Variants in MSH4 observed in about 807,000 individuals in gnomAD.
MSH4 encodes the protein mutS homolog 4, also known as mutS protein homolog 4.
In MSH4, 106 loss-of-function variants were observed where a neutral mutation model predicts 113.7. The observed-to-expected ratio is 0.93, with a 90% CI of 0.80 to 1.10. The LOEUF is 1.10. Ranked by LOEUF, MSH4 falls within the 50% of genes least tolerant of loss-of-function variation. MSH4 has a pLI of 0.00. For missense variants in MSH4, 1,061 were observed against 1,093.7 expected (o/e 0.97, Z 0.42); for synonymous variants, 368 against 380.2 (o/e 0.97, Z 0.37).
intron 16 of MSH4, among the ~76,000 whole-genome samples, chr1:75,889,820 G>T (rs756591720): frequency 6.6e-6 from 1 of 152,024 alleles, no homozygotes; most frequent in Non-Finnish European, 1.5e-5. Context: ...TTGAGCAAAC[G>T]TCAAGTAGGC....
chr1:75,831,779 T>C lies in MSH4; in HGVS notation c.1162+9198T>C, dbSNP rs192874247. Among the ~76,000 whole-genome samples the C allele has an allele frequency of 3.0e-3, 460 of 152,252 alleles. 1 individual carries two copies. Among genetic ancestry groups the C allele is most frequent in the African/African-American group, 0.01 (426 of 41,546 alleles). On this transcript the variant is annotated intron_variant, in intron 7 of 19. Coordinates refer to ENST00000263187, the MANE Select transcript of MSH4 (RefSeq NM_002440.4). ...CATACCAGAATCTCTGGCACACATT[T>C]AAAGCAGTGTGTAGAGGGAAGTTTA...
At chr1:75,902,546 A>T (rs1652526915) in intron 19 of MSH4, among the ~76,000 whole-genome samples, 1 of 151,158 alleles carries the variant, frequency 6.6e-6, no homozygotes, top group South Asian at 2.1e-4. Context: ...ATTCTTGTTT[A>T]TGGCTATTAG....
At chr1:75,860,705 C>T (rs1196278187) in intron 8 of MSH4, among the ~76,000 whole-genome samples, 1 of 152,190 alleles carries the variant, frequency 6.6e-6, no homozygotes, top group Non-Finnish European at 1.5e-5. Context: ...TTTTTTCCTT[C>T]ATTTCAACCT....
Position 75,810,789 on chromosome 1 carries a change from G to T in MSH4, c.681G>T (p.Leu227=). 6.4e-7 allele frequency: 1 copy of T among 1,570,920 alleles called. No homozygotes were observed. Among genetic ancestry groups the T allele is most frequent in the South Asian group, 1.2e-5 (1 of 83,942 alleles). Residue 227 remains leucine, a synonymous_variant, in exon 4 of 20, where the codon CTG becomes CTT. Coordinates refer to ENST00000263187, the MANE Select transcript of MSH4 (RefSeq NM_002440.4). ...GGAATTCCACCAAGTTGTTCACTCT[G>T]ATCACAGAAAATTTCAAGGTAAGTG... ...AVGNSTKLFT[L]ITENFKNVNF... is the part of the protein sequence containing the mutation.
At chr1:75,896,066 A>G (rs1652373623) in intron 17 of MSH4, among the ~76,000 whole-genome samples, 1 of 152,138 alleles carries the variant, frequency 6.6e-6, no homozygotes, top group African/African-American at 2.4e-5. Flanking sequence ...GATGGGTCCC[A>G]TCCAATAAAT....
At chr1:75,834,834 A>T (rs1186551300) in intron 7 of MSH4, among the ~76,000 whole-genome samples, 1 of 151,998 alleles carries the variant, frequency 6.6e-6, no homozygotes, top group Non-Finnish European at 1.5e-5. Context: ...ATGAGGAGTT[A>T]ACGGGTGCAG....
chr1:75,912,353 G>A (rs5745546), intron 19 of MSH4, among the ~76,000 whole-genome samples: 63,633 of 151,834 alleles, frequency 0.42, 13,682 homozygotes, highest in African/African-American at 0.49. Context: ...AGTGTTTGTA[G>A]AGTCTATCTC....
chr1:75,875,091 G>A (rs1343983424), intron 9 of MSH4, among the ~76,000 whole-genome samples: 2 of 152,028 alleles, frequency 1.3e-5, no homozygotes, highest in African/African-American at 4.8e-5. Flanking sequence ...ACGGGGTTTC[G>A]CCATGTTGGC....
chr1:75,884,421 A>G (rs1025242425), intron 15 of MSH4, among the ~76,000 whole-genome samples: 1 of 152,124 alleles, frequency 6.6e-6, no homozygotes, highest in African/African-American at 2.4e-5. Context: ...CTTGAGAACT[A>G]TATGAATCAG....
chr1:75,842,733 C>T (rs1650987911), intron 7 of MSH4, among the ~76,000 whole-genome samples: 1 of 152,130 alleles, frequency 6.6e-6, no homozygotes, highest in Non-Finnish European at 1.5e-5. Context: ...TGGGAGGACG[C>T]CCGTTGCCAG....
At chr1:75,896,286 T>C (rs769499329) in intron 17 of MSH4, among the ~76,000 whole-genome samples, 34 of 151,746 alleles carry the variant, frequency 2.2e-4, no homozygotes, top group Non-Finnish European at 3.8e-4. Context: ...ATTTTTGATC[T>C]TGCCAGCCTC....
chr1:75,896,307 T>C (rs550128980), intron 17 of MSH4, among the ~76,000 whole-genome samples: 2 of 150,656 alleles, frequency 1.3e-5, no homozygotes, highest in East Asian at 3.9e-4. Context: ...CATAATTGCA[T>C]GAGCCAATTC....
intron 7 of MSH4, among the ~76,000 whole-genome samples, chr1:75,826,299 TC>T (rs145636407): frequency 0.21 from 31,446 of 152,010 alleles, 3,795 homozygotes; most frequent in African/African-American, 0.3. Flanking sequence ...TTCTGTGGGA[TC>T]AGTGGTGATA....
chr1:75,903,880 T>C (rs1387865950), intron 19 of MSH4, among the ~76,000 whole-genome samples: 2 of 152,148 alleles, frequency 1.3e-5, no homozygotes, highest in Admixed American at 1.3e-4. Flanking sequence ...TTAATTGCTC[T>C]GGCTAGGACA....
At position 75,885,466 on chromosome 1, in the gene MSH4, TATACAC is replaced by T. The variant is rs1557523925; in HGVS notation, c.2107+1647_2107+1652del. 4.3e-5 allele frequency among the ~76,000 whole-genome samples: 4 copies of T among 92,540 alleles called. No homozygotes were observed. In the East Asian group the frequency reaches 7.6e-4, roughly 18 times the overall value. 60.7% of individuals were successfully genotyped at this position (92,540 alleles called of 152,430 possible). A position where few individuals can be genotyped will look rare whatever the true frequency, so the allele number is the denominator to read the frequency against. On this transcript the variant is annotated intron_variant, in intron 15 of 19. Transcript: ENST00000263187. Reference sequence around the variant, plus strand: ...ATACATATATATATATATATGTATATATACACACACACACACAAACACTGGGTACAT... The same window carrying T: ...ATACATATATATATATATATGTATATACACACACACAAACACTGGGTACAT...
chr1:75,843,301 T>C (rs1018976064), intron 7 of MSH4, among the ~76,000 whole-genome samples: 1 of 152,192 alleles, frequency 6.6e-6, no homozygotes, highest in Non-Finnish European at 1.5e-5. Flanking sequence ...GCCTTTTCTT[T>C]TATCTCTTTG....
chr1:75,811,015 G>A (rs1437670698), intron 4 of MSH4, among the ~76,000 whole-genome samples: 1 of 152,084 alleles, frequency 6.6e-6, no homozygotes, highest in African/African-American at 2.4e-5. Flanking sequence ...GGGACTACAG[G>A]CGTGTGTTAC....
chr1:75,797,445 T>C (rs1436392379), intron 1 of MSH4, among the ~76,000 whole-genome samples: 1 of 152,148 alleles, frequency 6.6e-6, no homozygotes, highest in African/African-American at 2.4e-5. Flanking sequence ...ATGGCTCAGT[T>C]CTGAGAAAGG....
intron 7 of MSH4, among the ~76,000 whole-genome samples, chr1:75,840,369 G>C (rs1194241087): frequency 6.8e-6 from 1 of 146,848 alleles, no homozygotes; most frequent in African/African-American, 2.5e-5. Context: ...GTCCTTTGTA[G>C]GGACATGGAT....
Sources: allele counts gnomAD v4.1 joint callset (sites outside exome capture counted in the v4.1 genomes callset), GRCh38; gene constraint gnomAD v4.1.1; transcripts MANE v1.5; gene names NCBI Gene and HGNC (gene_info 2026-07-23, HGNC 2026-07-21).